The following CSMD1 variants were observed in gnomAD, a reference collection of about 807,000 sequenced individuals.
CSMD1 encodes CUB and Sushi multiple domains 1, also known as CUB and sushi domain-containing protein 1.
A neutral mutation model predicts 417.5 loss-of-function variants in CSMD1; 213 were observed. That is an observed-to-expected ratio of 0.51 (90% CI 0.46 to 0.57). The LOEUF (loss-of-function observed/expected upper bound fraction) is 0.57. Ranked by LOEUF, CSMD1 falls within the 20% of genes least tolerant of loss-of-function variation. The probability of loss-of-function intolerance (pLI) is 0.00; values close to 1 mark genes in which losing one functional copy is unlikely to be tolerated. For missense variants in CSMD1, 6,923 were observed against 4,529.7 expected, an observed-to-expected ratio of 1.53 and a Z score of -15.17; for synonymous variants, 2,862 against 1,736.8, an observed-to-expected ratio of 1.65 and a Z score of -16.11.
intron 2 of CSMD1, among the ~76,000 whole-genome samples, chr8:4,616,499 T>C (rs184023980): frequency 1.1e-4 from 17 of 152,284 alleles, no homozygotes; most frequent in Admixed American, 3.3e-4. Context: ...GCTCACTCTC[T>C]CTAAATCACA....
chr8:3,647,046 C>T (rs1003239118), intron 7 of CSMD1, among the ~76,000 whole-genome samples: 2 of 152,154 alleles, frequency 1.3e-5, no homozygotes, highest in African/African-American at 4.8e-5. Flanking sequence ...GTGCTTCTTG[C>T]GTGTCAGCTC....
chr8:3,471,156 A>T (rs944168627), intron 11 of CSMD1, among the ~76,000 whole-genome samples: 1 of 152,134 alleles, frequency 6.6e-6, no homozygotes, highest in Non-Finnish European at 1.5e-5. Flanking sequence ...GATTCTTTGT[A>T]TTCTCAATAG....
intron 6 of CSMD1, among the ~76,000 whole-genome samples, chr8:3,717,646 T>C (rs775272146): frequency 8.5e-4 from 130 of 152,300 alleles, no homozygotes; most frequent in Non-Finnish European, 1.2e-3. Context: ...CGTTTATGTA[T>C]TTATTATTAA....
intron 10 of CSMD1, among the ~76,000 whole-genome samples, chr8:3,562,778 G>A (rs1015681545): frequency 2.0e-5 from 3 of 151,996 alleles, no homozygotes; most frequent in Admixed American, 2.0e-4. Flanking sequence ...GAGGGTGGAG[G>A]GTGGGAGGGG....
Position 3,000,038 on chromosome 8 carries a change from G to A in CSMD1, c.8123C>T (p.Pro2708Leu), listed in dbSNP as rs1157764099. 1 of 1,605,692 alleles carries A rather than the reference G, an allele frequency of 6.2e-7. No individual in the cohort carries two copies. The highest frequency in any genetic ancestry group is 8.5e-7 in the Non-Finnish European group (1 of 1,178,256). ...YRDTVVYQCN[P>L]GFRLVGTSVR... Reference sequence around the variant, plus strand: ...GGAAGTTCCCACAAGCCGGAAACCAGGATTGCACTGGTAAACCACCGTGTC... The same window carrying A: ...GGAAGTTCCCACAAGCCGGAAACCAAGATTGCACTGGTAAACCACCGTGTC... Residue 2708 changes from proline to leucine, a missense_variant, in exon 53 of 70, where the codon CCT (proline) becomes CTT (leucine). Transcript: ENST00000635120.
chr8:4,338,709 A>AT lies in CSMD1; in HGVS notation c.415+81243dup, dbSNP rs535050553. Reference sequence around the variant, plus strand: ...ATTCCATAGTTCCGGTTCTACAAGTATTTTTTTAACTCAGATTTTTTTCGC... The same window carrying AT: ...ATTCCATAGTTCCGGTTCTACAAGTATTTTTTTTAACTCAGATTTTTTTCGC... On this transcript the variant is annotated intron_variant, in intron 3 of 69. Coordinates refer to ENST00000635120, the MANE Select transcript of CSMD1 (RefSeq NM_033225.6). 1.9e-3 allele frequency among the ~76,000 whole-genome samples: 286 copies of AT among 152,210 alleles called. 2 individuals are homozygous for AT. Among genetic ancestry groups the AT allele is most frequent in the African/African-American group, 6.5e-3 (270 of 41,556 alleles).
intron 7 of CSMD1, among the ~76,000 whole-genome samples, chr8:3,691,036 T>C (rs553099952): frequency 6.6e-6 from 1 of 152,172 alleles, no homozygotes; most frequent in East Asian, 1.9e-4. Flanking sequence ...AAAGTATCTT[T>C]TTCTCTCTAA....
intron 3 of CSMD1, among the ~76,000 whole-genome samples, chr8:4,282,107 A>T (rs980679756): frequency 6.6e-6 from 1 of 152,208 alleles, no homozygotes; most frequent in Non-Finnish European, 1.5e-5. Flanking sequence ...ATCCAAGAGT[A>T]TTTTTAATTA....
chr8:3,052,741 C>T, intron 49 of CSMD1, 94 bp from the exon 50 acceptor site: 1 of 832,638 alleles, frequency 1.2e-6, no homozygotes, highest in Non-Finnish European at 1.7e-6. Context: ...TTATTGACTC[C>T]ATTTTTCATT....
At chr8:3,143,825 A>G (rs1818666215) in intron 40 of CSMD1, among the ~76,000 whole-genome samples, 1 of 152,184 alleles carries the variant, frequency 6.6e-6, no homozygotes, top group Non-Finnish European at 1.5e-5. Flanking sequence ...GGGTTTTCCT[A>G]CTTCATTGGA....
intron 2 of CSMD1, among the ~76,000 whole-genome samples, chr8:4,561,830 G>C (rs1027442916): frequency 6.6e-6 from 1 of 152,172 alleles, no homozygotes. Flanking sequence ...GACTGCTGAG[G>C]GGATGGAGTC....
intron 1 of CSMD1, among the ~76,000 whole-genome samples, chr8:4,993,343 G>A (rs1197787363): frequency 6.9e-6 from 1 of 145,434 alleles, no homozygotes; most frequent in Non-Finnish European, 1.6e-5. Flanking sequence ...AATGAGGACA[G>A]GGGCAGGTAT....
intron 1 of CSMD1, among the ~76,000 whole-genome samples, chr8:4,870,867 A>G (rs570376155): frequency 9.2e-5 from 14 of 152,286 alleles, no homozygotes; most frequent in South Asian, 2.1e-4. Flanking sequence ...TTTGTCCCAC[A>G]GTTCCTGATT....
At chr8:4,069,126 C>T (rs1799411881) in intron 3 of CSMD1, among the ~76,000 whole-genome samples, 1 of 152,164 alleles carries the variant, frequency 6.6e-6, no homozygotes, top group Admixed American at 6.5e-5. Flanking sequence ...AAGGGAAATA[C>T]TACAATATTG....
intron 3 of CSMD1, among the ~76,000 whole-genome samples, chr8:4,044,729 C>CGTACCACCCTGGGCAT (rs1434466874): frequency 8.4e-5 from 2 of 23,920 alleles, no homozygotes; most frequent in Non-Finnish European, 2.8e-4. Context: ...ACCCTGGACA[C>CGTACCACCCTGGGCAT]GTACCACCCT....
chr8:4,763,097 A>C (rs982933610), intron 1 of CSMD1, among the ~76,000 whole-genome samples: 2 of 152,188 alleles, frequency 1.3e-5, no homozygotes, highest in Admixed American at 1.3e-4. Context: ...TGGACAGAAA[A>C]GATACCAAAC....
chr8:4,044,926 A>C (rs1238254340), intron 3 of CSMD1, among the ~76,000 whole-genome samples: 1 of 140,794 alleles, frequency 7.1e-6, no homozygotes, highest in Non-Finnish European at 1.6e-5. Context: ...AAATTTAAAA[A>C]AATGTCCCCA....
intron 3 of CSMD1, among the ~76,000 whole-genome samples, chr8:4,196,696 A>T (rs1276620622): frequency 1.3e-5 from 2 of 152,174 alleles, no homozygotes; most frequent in East Asian, 3.9e-4. Context: ...TTAAGAGTTC[A>T]CATAGCTAGA....
chr8:4,420,440 G>C (rs1797182419), intron 2 of CSMD1, among the ~76,000 whole-genome samples: 1 of 151,946 alleles, frequency 6.6e-6, no homozygotes, highest in Non-Finnish European at 1.5e-5. Context: ...GTAGGTGAAG[G>C]TGCGTCATGG....
Sources: gnomAD v4.1 joint callset for allele counts (sites outside exome capture counted in the v4.1 genomes callset) on GRCh38, gnomAD v4.1.1 for gene constraint, MANE v1.5 for transcripts, NCBI Gene and HGNC (gene_info 2026-07-23, HGNC 2026-07-21) for gene names.